Variants in HLA-DOB observed in about 807,000 individuals in gnomAD.
HLA-DOB encodes HLA class II histocompatibility antigen, DO beta chain.
Under a neutral mutation model 27.7 loss-of-function variants are expected in HLA-DOB, and 25 were observed. The ratio of observed to expected loss-of-function variants is 0.90; its 90% CI spans 0.66 to 1.26. HLA-DOB has a LOEUF of 1.26. Ranked by LOEUF, HLA-DOB falls within the 50% of genes most tolerant of loss-of-function variation. The pLI is 0.00. For missense variants in HLA-DOB, 306 were observed against 324.9 expected (o/e 0.94, Z 0.45); for synonymous variants, 137 against 125.6 (o/e 1.09, Z -0.61).
intron 2 of HLA-DOB, 52 bp from the exon 3 acceptor site, chr6:32,814,653 A>T: frequency 1.3e-6 from 2 of 1,498,466 alleles, no homozygotes; most frequent in Non-Finnish European, 1.8e-6. Flanking sequence ...CCAAGCTGGG[A>T]CAGGAGATTC....
intron 3 of HLA-DOB, 91 bp downstream of exon 3, chr6:32,814,229 G>T: frequency 8.0e-7 from 1 of 1,247,584 alleles, no homozygotes; most frequent in Non-Finnish European, 1.1e-6. Context: ...TTCATGTTGT[G>T]ACCAAGATAA....
At chr6:32,815,819 C>T (rs1226699827) in intron 1 of HLA-DOB, among the ~76,000 whole-genome samples, 1 of 152,216 alleles carries the variant, frequency 6.6e-6, no homozygotes, top group African/African-American at 2.4e-5. Flanking sequence ...AAGATAATTG[C>T]TATTAATGTT....
Position 32,813,844 on chromosome 6 carries a change from C to G in HLA-DOB, c.644-11G>C. On this transcript the variant is annotated splice_polypyrimidine_tract_variant and intron_variant, in intron 3 of 5. Coordinates refer to ENST00000438763, the MANE Select transcript of HLA-DOB (RefSeq NM_002120.4). Reference sequence around the variant, plus strand: ...ATTCAGACTGAGCTCCTATGGGAAACAGGTCTTTAAATTAGTAAAAATATC... The same window carrying G: ...ATTCAGACTGAGCTCCTATGGGAAAGAGGTCTTTAAATTAGTAAAAATATC... 1 of 1,491,148 alleles carries G rather than the reference C, an allele frequency of 6.7e-7. No individual in the cohort carries two copies. The highest frequency in any genetic ancestry group is 9.2e-7 in the Non-Finnish European group (1 of 1,091,330). The allele number at this position is 1,491,148 out of a possible 1,614,324, so 92.4% of individuals were successfully genotyped here. A position where few individuals can be genotyped will look rare whatever the true frequency, so the allele number is the denominator to read the frequency against.
intron 5 of HLA-DOB, 51 bp from the exon 6 acceptor site, chr6:32,813,302 A>G: frequency 5.6e-6 from 9 of 1,607,510 alleles, no homozygotes; most frequent in Non-Finnish European, 7.7e-6. Flanking sequence ...CACCCCCCAC[A>G]GCCGTTCCAG....
chr6:32,814,865 C>T (rs1007988087), intron 2 of HLA-DOB, among the ~76,000 whole-genome samples, 179 bp downstream of exon 2: 1 of 152,164 alleles, frequency 6.6e-6, no homozygotes, highest in African/African-American at 2.4e-5. Flanking sequence ...CCTTGGGGGT[C>T]TGAGACCAAG....
intron 2 of HLA-DOB, 53 bp downstream of exon 2, chr6:32,814,991 G>A (rs1767955808): frequency 1.3e-6 from 2 of 1,595,492 alleles, no homozygotes; most frequent in Non-Finnish European, 1.7e-6. Context: ...GCCATGGCCA[G>A]GTTCACATGG....
intron 3 of HLA-DOB, chr6:32,814,086 G>T: frequency 1.7e-6 from 1 of 605,948 alleles, no homozygotes; most frequent in Non-Finnish European, 2.9e-6. Context: ...TCATAGGGTT[G>T]GAAGCACATA....
intron 3 of HLA-DOB, 65 bp from the exon 4 acceptor site, chr6:32,813,898 C>T: frequency 4.0e-6 from 4 of 1,010,728 alleles, no homozygotes; most frequent in East Asian, 2.6e-5. Flanking sequence ...TCTTGGAATC[C>T]CAGAATCTGT....
rs772576717 is a variant in HLA-DOB, at chr6:32,814,628, C to T, written c.362-27G>A. The T allele has an allele frequency of 8.1e-6, 13 of 1,596,604 alleles. No homozygotes were observed. In the African/African-American group the frequency reaches 1.1e-4, roughly 13 times the overall value. The stretch of plus-strand genomic sequence containing the variant: ...TAGGAAGGGAGGAAAAATGAGACAC[C>T]GTGAAAGAAAACCACCAAGCTGGGA... On this transcript the variant is annotated intron_variant, in intron 2 of 5. Transcript: ENST00000438763.
chr6:32,815,214 A>G lies in HLA-DOB; in HGVS notation c.191T>C (p.Val64Ala). ...CATCCCCACATCACTGTCGAAACGTACATACTCCTCCAAGTTAAAGATGAA... is the reference window on the plus strand; with the variant it reads ...CATCCCCACATCACTGTCGAAACGTGCATACTCCTCCAAGTTAAAGATGAA... ...VRFIFNLEEY[V>A]RFDSDVGMFV... Residue 64 changes from valine to alanine, a missense_variant, in exon 2 of 6, where the codon GTA becomes GCA. Val to Ala is a moderately conservative substitution (Grantham distance 64). Transcript: ENST00000438763. The G allele has an allele frequency of 6.2e-7, 1 of 1,614,242 alleles. No individual in the cohort carries two copies. The highest frequency in any genetic ancestry group is 8.5e-7 in the Non-Finnish European group (1 of 1,180,050).
At position 32,813,733 on chromosome 6, in the gene HLA-DOB, C is replaced by T. The variant is rs1444429955; in HGVS notation, c.744G>A (p.Arg248=). The T allele has an allele frequency of 6.4e-7, 1 of 1,553,822 alleles. No individual in the cohort carries two copies. The highest frequency in any genetic ancestry group is 1.2e-5 in the South Asian group (1 of 84,408). ...TCACAGGCTCATTACCTTTCTGAGC[C>T]CTTAGCTGGATGACGATTCCCACCA... The part of the protein sequence containing the change: ...FLLVGIVIQL[R]AQKGYVRTQM... Residue 248 remains arginine (R), a synonymous_variant, in exon 4 of 6, where the codon AGG becomes AGA. Coordinates refer to ENST00000438763, the MANE Select transcript of HLA-DOB (RefSeq NM_002120.4).
At chr6:32,814,828 C>T (rs2071473) in intron 2 of HLA-DOB, among the ~76,000 whole-genome samples, 59,020 of 151,922 alleles carry the variant, frequency 0.39, 11,618 homozygotes, top group South Asian at 0.51. Flanking sequence ...TCTTTGAGGG[C>T]ACAATAGCCC....
intron 2 of HLA-DOB, 69 bp from the exon 3 acceptor site, chr6:32,814,670 G>T: frequency 7.4e-7 from 1 of 1,355,828 alleles, no homozygotes. Flanking sequence ...ATTCTTTAGG[G>T]ACTATCACTA....
intron 2 of HLA-DOB, 96 bp downstream of exon 2, chr6:32,814,948 C>G: frequency 7.2e-7 from 1 of 1,386,622 alleles, no homozygotes; most frequent in Non-Finnish European, 9.9e-7. Context: ...AACCATTTAT[C>G]CTAAAGCAGA....
In HLA-DOB at chr6:32,815,197, C is replaced by T. The variant is rs1420330036; in HGVS notation, c.208G>A (p.Val70Met). The change falls in exon 2 of 6, where the codon GTG becomes ATG. Residue 70 changes from valine to methionine, a missense_variant. Val to Met is a conservative substitution (Grantham distance 21, BLOSUM62 1). Coordinates refer to ENST00000438763, the MANE Select transcript of HLA-DOB (RefSeq NM_002120.4). ...LEEYVRFDSD[V>M]GMFVALTKLG... ...TTGGTCAATGCCACAAACATCCCCACATCACTGTCGAAACGTACATACTCC... is the reference window on the plus strand; with the variant it reads ...TTGGTCAATGCCACAAACATCCCCATATCACTGTCGAAACGTACATACTCC... 5.6e-6 allele frequency: 9 copies of T among 1,614,122 alleles called. No individual in the cohort carries two copies. Among genetic ancestry groups the T allele is most frequent in the Admixed American group, 3.3e-5 (2 of 60,010 alleles).
In HLA-DOB at chr6:32,812,870, C is replaced by A. The variant is rs1482595819; in HGVS notation, c.*346G>T. On this transcript the variant is annotated 3_prime_UTR_variant, in exon 6 of 6. Coordinates refer to ENST00000438763, the MANE Select transcript of HLA-DOB (RefSeq NM_002120.4). ...TGTCTTCTGAAGACTGTGGAGACTGCAGTTGGAAGACAGAAAGCTTTGGAG... is the reference window on the plus strand; with the variant it reads ...TGTCTTCTGAAGACTGTGGAGACTGAAGTTGGAAGACAGAAAGCTTTGGAG... The A allele has an allele frequency of 9.5e-6, 3 of 314,648 alleles. No individual in the cohort carries two copies. The highest frequency in any genetic ancestry group is 2.1e-5 in the African/African-American group (1 of 47,142). The allele number at this position is 314,648 out of a possible 1,614,324, so 19.5% of individuals were successfully genotyped here.
rs1171160733 is a variant in HLA-DOB, at chr6:32,816,900, G to A, written c.52C>T (p.Arg18Ter). The A allele has an allele frequency of 1.9e-6, 3 of 1,612,904 alleles. No individual in the cohort carries two copies. The highest frequency in any genetic ancestry group is 1.7e-5 in the Admixed American group (1 of 60,012). The stretch of plus-strand genomic sequence containing the variant: ...CCTTGAGTCATGGAGGAATCCAGTC[G>A]GGTCAGATTCACTAGCAGAGCCACC... ...WVVALLVNLT[R>*]LDSSMTQGTD... Residue 18 changes from arginine (R) to a stop codon, truncating the protein, a stop_gained, in exon 1 of 6, where the codon CGA becomes TGA. Coordinates refer to ENST00000438763, the MANE Select transcript of HLA-DOB (RefSeq NM_002120.4). LOFTEE classifies it high-confidence loss of function.
chr6:32,816,058 A>AT (rs769301302), intron 1 of HLA-DOB, among the ~76,000 whole-genome samples: 21 of 151,116 alleles, frequency 1.4e-4, no homozygotes, highest in East Asian at 3.9e-4. Flanking sequence ...ATCTGTGCTG[A>AT]TTTTTTTTTC....
Position 32,813,458 on chromosome 6 carries a change from C to A in HLA-DOB, c.768G>T (p.Thr256=), listed in dbSNP as rs1461220089. 6.2e-7 allele frequency: 1 copy of A among 1,613,004 alleles called. No homozygotes were observed. Among genetic ancestry groups the A allele is most frequent in the Admixed American group, 1.7e-5 (1 of 60,016 alleles). The change falls in exon 5 of 6, where the codon ACG becomes ACT. Residue 256 remains threonine (T), a synonymous_variant. Transcript: ENST00000438763. ...ACATTACCTCATTACCAGACATCTG[C>A]GTCCTCACATATCCTGGAAAGAAAT... The part of the protein sequence containing the change: ...QLRAQKGYVR[T]QMSGNEVSRA...
Sources: gnomAD v4.1 joint callset for allele counts (sites outside exome capture counted in the v4.1 genomes callset) on GRCh38, gnomAD v4.1.1 for gene constraint, MANE v1.5 for transcripts, NCBI Gene and HGNC (gene_info 2026-07-23, HGNC 2026-07-21) for gene names.